TRMT61B: variants seen among roughly 807,000 people sequenced by gnomAD.
TRMT61B encodes the protein tRNA (adenine(58)-N(1))-methyltransferase, mitochondrial.
TRMT61B carries 56 observed loss-of-function variants against 52.0 expected under a neutral mutation model. That is an observed-to-expected ratio of 1.08 (90% CI 0.87 to 1.35). The LOEUF (loss-of-function observed/expected upper bound fraction) is 1.35, where lower values mean the gene tolerates loss of function less well. TRMT61B is among the 40% of genes most tolerant of loss of function. TRMT61B has a pLI of 0.00. For missense variants in TRMT61B, 650 were observed against 577.9 expected, an observed-to-expected ratio of 1.12 and a Z score of -1.28; for synonymous variants, 206 against 220.0, an observed-to-expected ratio of 0.94 and a Z score of 0.56.
intron 1 of TRMT61B, among the ~76,000 whole-genome samples, chr2:28,868,402 C>T (rs777986454): frequency 6.6e-6 from 1 of 152,180 alleles, no homozygotes; most frequent in Non-Finnish European, 1.5e-5. Context: ...CCCAGGTCAC[C>T]CAAAACAATG....
At chr2:28,868,789 G>T (rs1669956518) in intron 1 of TRMT61B, among the ~76,000 whole-genome samples, 1 of 152,234 alleles carries the variant, frequency 6.6e-6, no homozygotes, top group African/African-American at 2.4e-5. Context: ...GAGGTGGGCG[G>T]ATCACTTGAG....
At chr2:28,853,180 C>CT (rs772932797) in intron 3 of TRMT61B, among the ~76,000 whole-genome samples, 126 of 143,548 alleles carry the variant, frequency 8.8e-4, no homozygotes, top group East Asian at 5.3e-3. Context: ...TGTGAATTTC[C>CT]TTTTTTTTTT....
chr2:28,869,788 C>T lies in TRMT61B; in HGVS notation c.490G>A (p.Gly164Arg), dbSNP rs1321097037. The part of the protein sequence containing the change: ...GELILAETGE[G>R]ETKFKKLFRL... ...AATAATTTCTTAAATTTTGTTTCTC[C>T]CTCCCCAGTCTCAGCTAAAATCAGT... Residue 164 changes from glycine to arginine, a missense_variant, in exon 1 of 7, where the codon GGA becomes AGA. Physicochemically the swap from Gly to Arg is moderately radical, Grantham distance 125. Coordinates refer to ENST00000306108, the MANE Select transcript of TRMT61B (RefSeq NM_017910.4). The T allele has an allele frequency of 6.2e-7, 1 of 1,614,160 alleles. No individual in the cohort carries two copies.
chr2:28,869,938 G>T lies in TRMT61B; in HGVS notation c.340C>A (p.Pro114Thr), dbSNP rs1670012792. The T allele has an allele frequency of 1.2e-6, 2 of 1,613,720 alleles. No homozygotes were observed. Among genetic ancestry groups the T allele is most frequent in the Non-Finnish European group, 1.7e-6 (2 of 1,179,998 alleles). Residue 114 changes from proline (P) to threonine (T), a missense_variant, in exon 1 of 7, where the codon CCC becomes ACC. Pro to Thr is a conservative substitution (Grantham distance 38, BLOSUM62 -1). Coordinates refer to ENST00000306108, the MANE Select transcript of TRMT61B (RefSeq NM_017910.4). ...DSSGDQGRCG[P>T]THQGSEDPSM... ...GGATCCTCGGATCCCTGGTGTGTGG[G>T]ACCGCACCGGCCCTGGTCTCCGCTC...
At chr2:28,861,006 A>C in intron 3 of TRMT61B, 112 bp downstream of exon 3, 34 of 866,350 alleles carry the variant, frequency 3.9e-5, no homozygotes, top group East Asian at 5.6e-5. Flanking sequence ...TTCAATCCCT[A>C]GAGATAGACA....
intron 2 of TRMT61B, among the ~76,000 whole-genome samples, chr2:28,863,267 C>T (rs577311225): frequency 2.0e-4 from 30 of 152,030 alleles, no homozygotes; most frequent in African/African-American, 7.2e-4. Flanking sequence ...CCAGTCTCTA[C>T]AAAAACTTTA....
chr2:28,869,023 G>A (rs948571691), intron 1 of TRMT61B, among the ~76,000 whole-genome samples: 5 of 152,050 alleles, frequency 3.3e-5, no homozygotes, highest in African/African-American at 1.2e-4. Context: ...ACTGAAACTA[G>A]GCTTTAGGCA....
At chr2:28,868,705 T>C (rs376385095) in intron 1 of TRMT61B, among the ~76,000 whole-genome samples, 3 of 152,186 alleles carry the variant, frequency 2.0e-5, no homozygotes, top group Non-Finnish European at 4.4e-5. Flanking sequence ...CTGCTAGCAA[T>C]AGATGATTAG....
chr2:28,859,172 C>T (rs909925834), intron 3 of TRMT61B, among the ~76,000 whole-genome samples: 1 of 152,130 alleles, frequency 6.6e-6, no homozygotes, highest in Non-Finnish European at 1.5e-5. Flanking sequence ...CTCCGCCTCC[C>T]GGGTTCACGC....
intron 4 of TRMT61B, 79 bp downstream of exon 4, chr2:28,852,329 A>T (rs1457471909): frequency 4.6e-6 from 3 of 656,500 alleles, no homozygotes; most frequent in Non-Finnish European, 7.9e-6. Flanking sequence ...AAAAAAAAAA[A>T]AAAAAAAATT....
At position 28,870,041 on chromosome 2, in the gene TRMT61B, A is replaced by T; in HGVS notation, c.237T>A (p.Thr79=). Residue 79 remains threonine (T), a synonymous_variant, in exon 1 of 7, where the codon ACT becomes ACA. Transcript: ENST00000306108. ...SLPLSISDIG[T]GCLSSLENLR... ...GGTTTTCCAGTGACGAAAGACATCC[A>T]GTCCCAATGTCCGAGATGCTCAGAG... The T allele has an allele frequency of 1.9e-6, 3 of 1,613,828 alleles. No individual in the cohort carries two copies.
intron 3 of TRMT61B, among the ~76,000 whole-genome samples, chr2:28,858,003 C>T (rs1280924370): frequency 2.0e-5 from 3 of 149,144 alleles, no homozygotes; most frequent in Non-Finnish European, 4.5e-5. Context: ...TGTCTATTCT[C>T]TTTTGATGGT....
intron 4 of TRMT61B, among the ~76,000 whole-genome samples, chr2:28,851,878 C>CAAAAAAAAAAA (rs1162566474): frequency 5.5e-5 from 1 of 18,274 alleles, no homozygotes. Flanking sequence ...GACTCTGTCT[C>CAAAAAAAAAAA]AAAAAAAAAA....
At chr2:28,854,738 C>CAAAA (rs57513823) in intron 3 of TRMT61B, among the ~76,000 whole-genome samples, 34 of 86,408 alleles carry the variant, frequency 3.9e-4, no homozygotes, top group Non-Finnish European at 4.6e-4. Context: ...GACTCCGTCT[C>CAAAA]AAAAAAAAAA....
Position 28,870,199 on chromosome 2 carries a change from G to C in TRMT61B, c.79C>G (p.Leu27Val), listed in dbSNP as rs758364071. The change falls in exon 1 of 7, where the codon CTG (leucine) becomes GTG (valine). Residue 27 changes from leucine to valine, a missense_variant. Coordinates refer to ENST00000306108, the MANE Select transcript of TRMT61B (RefSeq NM_017910.4). ...GLGTNSFLHG[L>V]GQEPFEGARS... The stretch of plus-strand genomic sequence containing the variant: ...GCTCCCTCGAAGGGCTCCTGCCCCA[G>C]GCCGTGCAGGAATGAATTGGTTCCG... The C allele has an allele frequency of 3.1e-6, 5 of 1,612,492 alleles. No homozygotes were observed. The highest frequency in any genetic ancestry group is 1.7e-5 in the Admixed American group (1 of 59,984).
At chr2:28,856,035 A>G (rs1410219374) in intron 3 of TRMT61B, among the ~76,000 whole-genome samples, 1 of 152,222 alleles carries the variant, frequency 6.6e-6, no homozygotes, top group African/African-American at 2.4e-5. Flanking sequence ...GGTCAACATG[A>G]TGACATAAAT....
intron 3 of TRMT61B, among the ~76,000 whole-genome samples, chr2:28,853,180 C>CA (rs1669196507): frequency 7.0e-6 from 1 of 143,690 alleles, no homozygotes; most frequent in Non-Finnish European, 1.5e-5. Flanking sequence ...TGTGAATTTC[C>CA]TTTTTTTTTT....
At chr2:28,863,673 T>A (rs1329289108) in intron 2 of TRMT61B, among the ~76,000 whole-genome samples, 1 of 152,150 alleles carries the variant, frequency 6.6e-6, no homozygotes, top group Non-Finnish European at 1.5e-5. Context: ...GATGAGAAAA[T>A]GACTGCCTTT....
intron 2 of TRMT61B, among the ~76,000 whole-genome samples, chr2:28,862,862 A>G (rs920618653): frequency 1.3e-4 from 11 of 84,790 alleles, no homozygotes; most frequent in Non-Finnish European, 2.6e-4. Flanking sequence ...AGGTATTTGT[A>G]TTTGTGTGTG....
Sources: gnomAD v4.1 joint callset for allele counts (sites outside exome capture counted in the v4.1 genomes callset) on GRCh38, gnomAD v4.1.1 for gene constraint, MANE v1.5 for transcripts, NCBI Gene and HGNC (gene_info 2026-07-23, HGNC 2026-07-21) for gene names.